The following GRM5 variants were observed in gnomAD, a reference collection of about 807,000 sequenced individuals.
GRM5 encodes metabotropic glutamate receptor 5.
In GRM5, 19 loss-of-function variants were observed where a neutral mutation model predicts 83.1. The observed-to-expected ratio is 0.23, with a 90% confidence interval of 0.16 to 0.34. GRM5 has a LOEUF of 0.34. Among genes scored for constraint, GRM5 ranks in the 10% least tolerant of loss-of-function variants. The pLI is 1.00. For synonymous variants in GRM5, 675 were observed against 633.6 expected (o/e 1.07, Z -0.98); for missense variants, 1,160 against 1,588.3 (o/e 0.73, Z 4.58).
intron 1 of GRM5, among the ~76,000 whole-genome samples, chr11:89,063,895 GACTT>G (rs1942049512): frequency 6.6e-6 from 1 of 152,120 alleles, no homozygotes; most frequent in Non-Finnish European, 1.5e-5. Context: ...GCACTCCCAG[GACTT>G]ACTTTTCACA....
chr11:88,681,806 T>C (rs546024731), intron 3 of GRM5, among the ~76,000 whole-genome samples: 4 of 151,800 alleles, frequency 2.6e-5, no homozygotes, highest in African/African-American at 9.7e-5. Flanking sequence ...CCTGACCTTA[T>C]GATCCACCCA....
At chr11:88,697,391 A>C (rs17178478) in intron 3 of GRM5, among the ~76,000 whole-genome samples, 1 of 152,052 alleles carries the variant, frequency 6.6e-6, no homozygotes, top group Non-Finnish European at 1.5e-5. Flanking sequence ...ATGTTTTGCA[A>C]TTCCTTCCAC....
At chr11:88,630,459 T>G (rs1938931696) in intron 4 of GRM5, among the ~76,000 whole-genome samples, 1 of 151,972 alleles carries the variant, frequency 6.6e-6, no homozygotes, top group African/African-American at 2.4e-5. Context: ...AGTTAAGTAC[T>G]AGATCATATA....
At chr11:88,856,494 G>C (rs1265739370) in intron 2 of GRM5, among the ~76,000 whole-genome samples, 1 of 151,868 alleles carries the variant, frequency 6.6e-6, no homozygotes, top group Non-Finnish European at 1.5e-5. Context: ...CCTTCTTCTG[G>C]AATACCTCCT....
intron 2 of GRM5, among the ~76,000 whole-genome samples, chr11:88,949,870 A>G (rs1417891731): frequency 1.3e-5 from 2 of 151,918 alleles, no homozygotes; most frequent in African/African-American, 4.8e-5. Flanking sequence ...AATATGCAAT[A>G]CTTTTATTTT....
At chr11:88,643,299 A>T (rs1939347983) in intron 4 of GRM5, among the ~76,000 whole-genome samples, 1 of 152,056 alleles carries the variant, frequency 6.6e-6, no homozygotes, top group Admixed American at 6.6e-5. Flanking sequence ...GTGAGAACTC[A>T]TTCACTATTG....
At chr11:88,894,484 T>C (rs1945199169) in intron 2 of GRM5, among the ~76,000 whole-genome samples, 1 of 152,002 alleles carries the variant, frequency 6.6e-6, no homozygotes, top group Non-Finnish European at 1.5e-5. Context: ...CTGCTTCATC[T>C]TGAGGTCTGC....
intron 2 of GRM5, among the ~76,000 whole-genome samples, chr11:88,910,505 T>C (rs1225963946): frequency 6.6e-6 from 1 of 152,078 alleles, no homozygotes; most frequent in African/African-American, 2.4e-5. Context: ...AACCACCAAA[T>C]GGTTTCCACA....
At chr11:88,638,792 T>C (rs1939210826) in intron 4 of GRM5, among the ~76,000 whole-genome samples, 1 of 152,134 alleles carries the variant, frequency 6.6e-6, no homozygotes, top group Non-Finnish European at 1.5e-5. Context: ...TTCTTTTTCA[T>C]ATCTATAAAA....
chr11:88,564,375 A>C (rs934093576), intron 8 of GRM5, among the ~76,000 whole-genome samples: 4 of 152,216 alleles, frequency 2.6e-5, no homozygotes, highest in Admixed American at 6.5e-5. Flanking sequence ...CTATCAGTAA[A>C]ATTTGTTGCT....
intron 4 of GRM5, among the ~76,000 whole-genome samples, chr11:88,634,505 C>A (rs939710661): frequency 1.3e-5 from 2 of 152,042 alleles, no homozygotes; most frequent in Non-Finnish European, 2.9e-5. Context: ...AAGATACCTA[C>A]ACACATTAGC....
chr11:88,967,772 T>C (rs573235909), intron 2 of GRM5, among the ~76,000 whole-genome samples: 10 of 152,146 alleles, frequency 6.6e-5, no homozygotes, highest in African/African-American at 2.2e-4. Context: ...ATGTTGAGAA[T>C]TGAGTGATGA....
chr11:88,836,197 A>G (rs1443782375), intron 3 of GRM5, among the ~76,000 whole-genome samples: 1 of 152,222 alleles, frequency 6.6e-6, no homozygotes, highest in Non-Finnish European at 1.5e-5. Context: ...CAGATAGTAA[A>G]TATTTAAGGA....
intron 3 of GRM5, among the ~76,000 whole-genome samples, chr11:88,664,757 T>C (rs989932668): frequency 2.1e-4 from 32 of 152,224 alleles, no homozygotes; most frequent in African/African-American, 7.7e-4. Context: ...TCACATAGCA[T>C]TTTCATTGTA....
In GRM5 at chr11:88,705,250, G is replaced by A. The variant is rs967160834; in HGVS notation, c.912-51847C>T. Reference sequence around the variant, plus strand: ...ACCTGACGAGCTTGAAGACTCAGCAGTGCTTGAGCTGCACTCCCAGGGACC... The same window carrying A: ...ACCTGACGAGCTTGAAGACTCAGCAATGCTTGAGCTGCACTCCCAGGGACC... On this transcript the variant is annotated intron_variant, in intron 3 of 9. Transcript: ENST00000305447. Among the ~76,000 whole-genome samples, 3 of 152,050 alleles carry A rather than the reference G, an allele frequency of 2.0e-5. No individual in the cohort carries two copies. In the South Asian group the frequency reaches 6.2e-4, roughly 31 times the overall value.
chr11:88,561,331 T>A (rs1000099585), intron 8 of GRM5, among the ~76,000 whole-genome samples: 4 of 152,140 alleles, frequency 2.6e-5, no homozygotes, highest in Non-Finnish European at 5.9e-5. Context: ...CAAATGGCAG[T>A]TTCTAAATTT....
chr11:89,029,265 G>T (rs1420573822), intron 2 of GRM5, among the ~76,000 whole-genome samples: 1 of 152,124 alleles, frequency 6.6e-6, no homozygotes, highest in Non-Finnish European at 1.5e-5. Context: ...AAAACTACAA[G>T]TTATCTGGTA....
chr11:88,863,067 A>G (rs1414152282), intron 2 of GRM5, among the ~76,000 whole-genome samples: 1 of 152,170 alleles, frequency 6.6e-6, no homozygotes, highest in Non-Finnish European at 1.5e-5. Flanking sequence ...ATGAGACACC[A>G]ATTCATGCCA....
intron 2 of GRM5, among the ~76,000 whole-genome samples, chr11:88,922,151 C>T (rs190196730): frequency 1.2e-4 from 19 of 152,094 alleles, no homozygotes; most frequent in Middle Eastern, 6.8e-3. Flanking sequence ...TGTTAAAATG[C>T]CCATAACACC....
Sources: allele counts gnomAD v4.1 joint callset (sites outside exome capture counted in the v4.1 genomes callset), GRCh38; gene constraint gnomAD v4.1.1; transcripts MANE v1.5; gene names NCBI Gene and HGNC (gene_info 2026-07-23, HGNC 2026-07-21).